Variants in CEP128 observed in about 807,000 individuals in gnomAD.
CEP128 encodes centrosomal protein 128, also known as centrosomal protein 128kDa.
A neutral mutation model predicts 156.7 loss-of-function variants in CEP128; 132 were observed. The observed-to-expected ratio is 0.84, with a 90% CI of 0.73 to 0.97. The LOEUF (loss-of-function observed/expected upper bound fraction) is 0.97, where lower values mean the gene tolerates loss of function less well. CEP128 is among the 50% of genes least tolerant of loss of function. The pLI is 0.00. For synonymous variants in CEP128, 469 were observed against 448.9 expected (o/e 1.04, Z -0.57); for missense variants, 1,252 against 1,281.9 (o/e 0.98, Z 0.36).
chr14:80,540,889 C>A (rs771713821), intron 21 of CEP128, among the ~76,000 whole-genome samples: 2 of 152,238 alleles, frequency 1.3e-5, no homozygotes, highest in Admixed American at 6.5e-5. Flanking sequence ...TGGTACCATA[C>A]CAAATGCTCC....
At position 80,729,057 on chromosome 14, in the gene CEP128, GGGT is replaced by G. The variant is rs1486912144; in HGVS notation, c.2806+14015_2806+14017del. Among the ~76,000 whole-genome samples, 99 of 102,170 alleles carry G rather than the reference GGGT, an allele frequency of 9.7e-4. 8 individuals carry two copies. In the Middle Eastern group the frequency reaches 0.014, roughly 14 times the overall value. The allele number at this position is 102,170 out of a possible 152,430, so 67.0% of individuals were successfully genotyped here. A position where few individuals can be genotyped will look rare whatever the true frequency, so the allele number is the denominator to read the frequency against. ...CCCTAGTCCCAGGCTGGGCTGGTGG[GGGT>G]GTGTGTGTGTGTGTGTGTGTGTGTG... On this transcript the variant is annotated intron_variant, in intron 19 of 24. Coordinates refer to ENST00000555265, the MANE Select transcript of CEP128 (RefSeq NM_152446.5).
intron 14 of CEP128, among the ~76,000 whole-genome samples, chr14:80,789,887 G>C (rs1048383589): frequency 3.3e-5 from 5 of 149,528 alleles, no homozygotes; most frequent in Non-Finnish European, 4.5e-5. Context: ...GTTTTGTTTT[G>C]TTTTGTTTTT....
chr14:80,769,400 G>A (rs1265507259), intron 16 of CEP128, among the ~76,000 whole-genome samples: 1 of 151,880 alleles, frequency 6.6e-6, no homozygotes, highest in East Asian at 1.9e-4. Flanking sequence ...TTTACATTAG[G>A]TATATCTCCT....
intron 22 of CEP128, among the ~76,000 whole-genome samples, chr14:80,527,755 T>A (rs1889044453): frequency 6.6e-6 from 1 of 152,194 alleles, no homozygotes; most frequent in African/African-American, 2.4e-5. Context: ...CATCCCACCT[T>A]TTAACTATTA....
chr14:80,828,344 A>G (rs1355428138), intron 13 of CEP128, among the ~76,000 whole-genome samples: 1 of 151,934 alleles, frequency 6.6e-6, no homozygotes, highest in African/African-American at 2.4e-5. Flanking sequence ...GCTGGTTTCG[A>G]ACTCCTGACC....
At chr14:80,537,112 T>A (rs1198467126) in intron 21 of CEP128, among the ~76,000 whole-genome samples, 2 of 152,150 alleles carry the variant, frequency 1.3e-5, no homozygotes, top group African/African-American at 4.8e-5. Context: ...AGGTAACATA[T>A]CTTCACTGAA....
Position 80,668,901 on chromosome 14 carries a change from C to A in CEP128, c.2806+74174G>T, listed in dbSNP as rs138928286. Among the ~76,000 whole-genome samples the A allele has an allele frequency of 1.2e-4, 19 of 152,238 alleles. 2 individuals are homozygous for A. In the East Asian group the frequency reaches 3.7e-3, roughly 29 times the overall value. ...TGATGGTTTTATAAAAGGAAGTTCCCCTGCACAAGCTCTCTTGCCTGCCAC... is the reference window on the plus strand; with the variant it reads ...TGATGGTTTTATAAAAGGAAGTTCCACTGCACAAGCTCTCTTGCCTGCCAC... On this transcript the variant is annotated intron_variant, in intron 19 of 24. Coordinates refer to ENST00000555265, the MANE Select transcript of CEP128 (RefSeq NM_152446.5).
At chr14:80,638,381 G>A (rs1325571282) in intron 19 of CEP128, among the ~76,000 whole-genome samples, 1 of 152,124 alleles carries the variant, frequency 6.6e-6, no homozygotes, top group Non-Finnish European at 1.5e-5. Flanking sequence ...TCCCAAAGAA[G>A]CAATGCTGTG....
intron 21 of CEP128, among the ~76,000 whole-genome samples, chr14:80,546,846 G>T (rs901585733): frequency 6.6e-6 from 1 of 152,122 alleles, no homozygotes; most frequent in Admixed American, 6.6e-5. Flanking sequence ...TGACAGTTTG[G>T]CCTTTTACTG....
intron 14 of CEP128, among the ~76,000 whole-genome samples, chr14:80,786,933 C>A (rs1032844330): frequency 1.3e-5 from 2 of 152,102 alleles, no homozygotes; most frequent in African/African-American, 4.8e-5. Flanking sequence ...CATAGCAAGA[C>A]CCCGTCTCTA....
At chr14:80,677,508 C>CAAAAAAAAAAAAAAAAA (rs57636757) in intron 19 of CEP128, among the ~76,000 whole-genome samples, 7 of 94,058 alleles carry the variant, frequency 7.4e-5, no homozygotes, top group African/African-American at 2.5e-4. Flanking sequence ...GACTCCGTCT[C>CAAAAAAAAAAAAAAAAA]AAAAAAAAAA....
intron 13 of CEP128, among the ~76,000 whole-genome samples, chr14:80,798,139 G>A (rs956459614): frequency 1.3e-5 from 2 of 152,076 alleles, no homozygotes; most frequent in African/African-American, 4.8e-5. Flanking sequence ...ATTGCCAAAA[G>A]GCTTATAAAA....
rs573809393 is a variant in CEP128 at position 80,911,170 on chromosome 14, T to C, written c.234+3152A>G. ...TGAAAGGAGATCATCTGGGCAACAA[T>C]GGGTAATGCAAATAACAGAAGTGAT... is the stretch of plus-strand genomic sequence containing the variant. On this transcript the variant is annotated intron_variant, in intron 4 of 24. Transcript: ENST00000555265. Among the ~76,000 whole-genome samples, 72 of 152,190 alleles carry C rather than the reference T, an allele frequency of 4.7e-4. 1 individual carries two copies. Among genetic ancestry groups the C allele is most frequent in the South Asian group, 1.0e-3 (5 of 4,828 alleles).
At chr14:80,735,147 T>C (rs1898469742) in intron 19 of CEP128, among the ~76,000 whole-genome samples, 1 of 152,094 alleles carries the variant, frequency 6.6e-6, no homozygotes, top group Non-Finnish European at 1.5e-5. Flanking sequence ...TCCATCGATG[T>C]CCATTTTAAC....
chr14:80,717,484 A>G (rs1158953181), intron 19 of CEP128, among the ~76,000 whole-genome samples: 1 of 152,196 alleles, frequency 6.6e-6, no homozygotes, highest in Admixed American at 6.5e-5. Flanking sequence ...AACAAATTAA[A>G]TATAATAACA....
At chr14:80,802,168 C>T (rs1217151463) in intron 13 of CEP128, among the ~76,000 whole-genome samples, 1 of 151,936 alleles carries the variant, frequency 6.6e-6, no homozygotes, top group African/African-American at 2.4e-5. Flanking sequence ...ACCATTTCAC[C>T]CAGCAATCCC....
At chr14:80,581,325 T>C (rs1891582963) in intron 19 of CEP128, among the ~76,000 whole-genome samples, 1 of 152,166 alleles carries the variant, frequency 6.6e-6, no homozygotes, top group Non-Finnish European at 1.5e-5. Flanking sequence ...CAAGAGACTA[T>C]GTTACATAAA....
intron 12 of CEP128, among the ~76,000 whole-genome samples, chr14:80,832,390 GA>G (rs967529105): frequency 3.5e-5 from 5 of 141,356 alleles, no homozygotes; most frequent in South Asian, 2.2e-4. Context: ...TTCCTTTCCA[GA>G]AAAAAAAAAG....
intron 19 of CEP128, among the ~76,000 whole-genome samples, chr14:80,644,730 A>G (rs1310121183): frequency 6.6e-6 from 1 of 152,192 alleles, no homozygotes; most frequent in African/African-American, 2.4e-5. Flanking sequence ...CTATATTTCT[A>G]TAAAATTAAG....
Sources: gnomAD v4.1 joint callset for allele counts (sites outside exome capture counted in the v4.1 genomes callset) on GRCh38, gnomAD v4.1.1 for gene constraint, MANE v1.5 for transcripts, NCBI Gene and HGNC (gene_info 2026-07-23, HGNC 2026-07-21) for gene names.